The following BCKDHB variants were observed in gnomAD, a reference collection of about 807,000 sequenced individuals.
BCKDHB encodes the protein 2-oxoisovalerate dehydrogenase subunit beta, mitochondrial.
Under a neutral mutation model 48.5 loss-of-function variants are expected in BCKDHB, and 41 were observed. That is an observed-to-expected ratio of 0.85 (90% CI 0.66 to 1.10). The LOEUF (loss-of-function observed/expected upper bound fraction) is 1.10, where lower values mean the gene tolerates loss of function less well. BCKDHB is among the 50% of genes least tolerant of loss of function. BCKDHB has a pLI of 0.00. For missense variants in BCKDHB, 496 were observed against 494.2 expected (o/e 1.00, Z -0.03); for synonymous variants, 201 against 174.8 (o/e 1.15, Z -1.18).
At chr6:80,423,270 C>T in the BCKDHB span, among the ~76,000 whole-genome samples, 1 of 152,268 alleles carries the variant, frequency 6.6e-6, no homozygotes, top group East Asian at 1.9e-4. Flanking sequence ...TTCCTGAGGC[C>T]TCCTCAGCCA....
At chr6:80,335,300 T>A (rs1769527636) in intron 9 of BCKDHB, among the ~76,000 whole-genome samples, 1 of 151,194 alleles carries the variant, frequency 6.6e-6, no homozygotes, top group African/African-American at 2.4e-5. Context: ...TTCAGGAGTA[T>A]TTTACATTTC....
chr6:80,245,196 G>A lies in BCKDHB; in HGVS notation c.952-27939G>A, dbSNP rs1776560069. On this transcript the variant is annotated intron_variant, in intron 8 of 9. Transcript: ENST00000320393. ...CTGAATTAGAGACCGGAAACTGAAA[G>A]GTGCTTATACTGTCTTAGTGGGAGA... 2.6e-5 allele frequency among the ~76,000 whole-genome samples: 4 copies of A among 151,990 alleles called. 1 individual carries two copies. The South Asian group carries it at 8.3e-4, about 32-fold the overall frequency.
intron 9 of BCKDHB, among the ~76,000 whole-genome samples, chr6:80,300,551 A>T (rs556729167): frequency 3.9e-4 from 60 of 152,340 alleles, no homozygotes; most frequent in African/African-American, 1.4e-3. Context: ...ACAACCACAC[A>T]GTAATAGTAG....
intron 6 of BCKDHB, among the ~76,000 whole-genome samples, chr6:80,188,946 AG>A (rs1409935277): frequency 1.3e-5 from 2 of 152,206 alleles, no homozygotes; most frequent in Non-Finnish European, 2.9e-5. Context: ...GTACATTTTT[AG>A]TCTTTCTGAG....
chr6:80,254,442 T>G (rs1164810144), intron 8 of BCKDHB, among the ~76,000 whole-genome samples: 1 of 152,070 alleles, frequency 6.6e-6, no homozygotes. Flanking sequence ...ATGCCTGTAA[T>G]CCTAGCACTT....
chr6:80,346,023 T>G lies in BCKDHB; in HGVS notation c.*2219T>G, dbSNP rs940039014. 56 of 152,334 alleles carry G rather than the reference T, an allele frequency of 3.7e-4. No individual in the cohort carries two copies. The highest frequency in any genetic ancestry group is 1.3e-3 in the African/African-American group (55 of 41,578). 9.4% of individuals were successfully genotyped at this position (152,334 alleles called of 1,614,324 possible). On this transcript the variant is annotated 3_prime_UTR_variant, in exon 10 of 10. Transcript: ENST00000320393. ...ATATGGAAATATTTTTTCTGAATTT[T>G]TTTTTATATTTCCTCCGACTTACCT...
intron 8 of BCKDHB, among the ~76,000 whole-genome samples, chr6:80,252,039 T>C (rs1387219831): frequency 6.6e-6 from 1 of 152,208 alleles, no homozygotes; most frequent in African/African-American, 2.4e-5. Context: ...TTGAGAGCTT[T>C]GTGTGCATTA....
the BCKDHB span, among the ~76,000 whole-genome samples, chr6:80,403,692 G>A: frequency 6.6e-6 from 1 of 151,742 alleles, no homozygotes; most frequent in Non-Finnish European, 1.5e-5. Context: ...TTTCACCTTT[G>A]GGTATAATGT....
At chr6:80,411,786 A>G in the BCKDHB span, among the ~76,000 whole-genome samples, 3 of 152,362 alleles carry the variant, frequency 2.0e-5, no homozygotes, top group African/African-American at 4.8e-5. Context: ...ACGGGAGGGA[A>G]TCTCCTGGTT....
At chr6:80,409,402 G>T in the BCKDHB span, among the ~76,000 whole-genome samples, 1 of 151,258 alleles carries the variant, frequency 6.6e-6, no homozygotes, top group Non-Finnish European at 1.5e-5. Context: ...GGTCCACTTG[G>T]TGCAGAGCTG....
intron 9 of BCKDHB, among the ~76,000 whole-genome samples, chr6:80,279,978 G>A (rs752798842): frequency 6.6e-6 from 1 of 152,186 alleles, no homozygotes; most frequent in Non-Finnish European, 1.5e-5. Flanking sequence ...AGGTAGGTGG[G>A]TATTTCAGGC....
chr6:80,242,226 A>T (rs1182715889), intron 8 of BCKDHB, among the ~76,000 whole-genome samples: 1 of 152,046 alleles, frequency 6.6e-6, no homozygotes, highest in Non-Finnish European at 1.5e-5. Context: ...TACTTGATAT[A>T]TTTAGGGTGA....
At chr6:80,447,491 T>TTA in the BCKDHB span, among the ~76,000 whole-genome samples, 1,629 of 149,732 alleles carry the variant, frequency 0.011, 15 homozygotes, top group African/African-American at 0.025. Context: ...TATATACTAT[T>TTA]TATATATATA....
intron 3 of BCKDHB, among the ~76,000 whole-genome samples, chr6:80,144,301 A>C (rs891525798): frequency 6.6e-6 from 1 of 152,212 alleles, no homozygotes; most frequent in Non-Finnish European, 1.5e-5. Flanking sequence ...AGGTATTTGC[A>C]TGAAGAAGGC....
At chr6:80,173,238 C>T (rs1486320751) in intron 6 of BCKDHB, among the ~76,000 whole-genome samples, 2 of 152,070 alleles carry the variant, frequency 1.3e-5, no homozygotes, top group Admixed American at 6.6e-5. Context: ...TTATGAAAGA[C>T]CCTGATGAGG....
At chr6:80,147,316 T>C (rs1387572157) in intron 3 of BCKDHB, among the ~76,000 whole-genome samples, 1 of 152,180 alleles carries the variant, frequency 6.6e-6, no homozygotes, top group African/African-American at 2.4e-5. Flanking sequence ...TGCTAATTAA[T>C]GTTGTTCATT....
chr6:80,394,696 C>T, the BCKDHB span, among the ~76,000 whole-genome samples: 15 of 152,276 alleles, frequency 9.9e-5, no homozygotes, highest in Admixed American at 9.2e-4. Context: ...TTCCAGCTGT[C>T]AGTAGCTACA....
intron 9 of BCKDHB, among the ~76,000 whole-genome samples, chr6:80,343,102 T>A (rs1456726901): frequency 1.3e-5 from 2 of 152,134 alleles, no homozygotes; most frequent in African/African-American, 4.8e-5. Context: ...CACACATCAG[T>A]CAGGCAAAGA....
intron 6 of BCKDHB, among the ~76,000 whole-genome samples, chr6:80,192,965 C>T (rs1169440849): frequency 2.6e-5 from 4 of 151,766 alleles, no homozygotes; most frequent in African/African-American, 7.3e-5. Context: ...ATTACAGGCA[C>T]GTGCCACCAT....
Sources: allele counts gnomAD v4.1 joint callset (sites outside exome capture counted in the v4.1 genomes callset), GRCh38; gene constraint gnomAD v4.1.1; transcripts MANE v1.5; gene names NCBI Gene and HGNC (gene_info 2026-07-23, HGNC 2026-07-21).